The following SNTG2 variants were observed in gnomAD, a reference collection of about 807,000 sequenced individuals.
SNTG2 encodes syntrophin gamma 2.
SNTG2 carries 74 observed loss-of-function variants against 70.9 expected under a neutral mutation model. The observed-to-expected ratio is 1.04, with a 90% CI of 0.86 to 1.27. The LOEUF (loss-of-function observed/expected upper bound fraction) is 1.27. Ranked by LOEUF, SNTG2 falls within the 50% of genes most tolerant of loss-of-function variation. The probability of loss-of-function intolerance (pLI) is 0.00; values close to 1 mark genes in which losing one functional copy is unlikely to be tolerated. For synonymous variants in SNTG2, 278 were observed against 273.8 expected (o/e 1.02, Z -0.15); for missense variants, 717 against 690.7 (o/e 1.04, Z -0.43).
At chr2:1,183,634 A>C (rs1005595303) in intron 8 of SNTG2, among the ~76,000 whole-genome samples, 9 of 152,226 alleles carry the variant, frequency 5.9e-5, no homozygotes, top group African/African-American at 2.2e-4. Context: ...TTTGTGATTC[A>C]GTCTGGACAT....
At chr2:956,748 C>G (rs942221191) in intron 1 of SNTG2, among the ~76,000 whole-genome samples, 7 of 152,252 alleles carry the variant, frequency 4.6e-5, no homozygotes, top group African/African-American at 1.7e-4. Flanking sequence ...ACCCATGTGT[C>G]AGTTGAGCCA....
intron 4 of SNTG2, among the ~76,000 whole-genome samples, chr2:1,134,979 C>T (rs1030750819): frequency 1.3e-5 from 2 of 152,186 alleles, no homozygotes; most frequent in African/African-American, 4.8e-5. Flanking sequence ...CTAAGCCCCT[C>T]ATTGAGACAG....
chr2:1,045,559 C>T (rs1661687374), intron 1 of SNTG2, among the ~76,000 whole-genome samples: 7 of 152,048 alleles, frequency 4.6e-5, no homozygotes, highest in Admixed American at 4.6e-4. Context: ...AGCTTTGTCC[C>T]TGATTCTAGT....
At chr2:1,005,764 A>T (rs530900404) in intron 1 of SNTG2, among the ~76,000 whole-genome samples, 1 of 115,716 alleles carries the variant, frequency 8.6e-6, no homozygotes, top group South Asian at 2.7e-4. Flanking sequence ...AGATTGCACC[A>T]TTGCACTCCA....
chr2:1,134,449 G>C (rs1214412468), intron 4 of SNTG2, among the ~76,000 whole-genome samples: 3 of 134,652 alleles, frequency 2.2e-5, no homozygotes, highest in Non-Finnish European at 5.2e-5. Flanking sequence ...GATACAGAGT[G>C]TCGACACAAA....
intron 11 of SNTG2, among the ~76,000 whole-genome samples, chr2:1,245,877 C>T (rs1348240112): frequency 1.3e-5 from 2 of 152,096 alleles, no homozygotes; most frequent in East Asian, 1.9e-4. Context: ...GTGAAATTCC[C>T]GTAATTCTCA....
chr2:1,125,719 C>T lies in SNTG2; in HGVS notation c.326-11903C>T, dbSNP rs558872709. On this transcript the variant is annotated intron_variant, in intron 4 of 16. Transcript: ENST00000308624. ...TGATGTGTGTTTTGCTTAATTTATT[C>T]TCAATTGAGAAACTTTTTCTCTCTT... is the stretch of plus-strand genomic sequence containing the variant. Among the ~76,000 whole-genome samples the T allele has an allele frequency of 3.9e-4, 56 of 145,384 alleles. 1 individual carries two copies. In the South Asian group the frequency reaches 0.012, roughly 30 times the overall value.
chr2:1,326,053 G>C (rs1178500765), intron 16 of SNTG2, among the ~76,000 whole-genome samples: 2 of 152,006 alleles, frequency 1.3e-5, no homozygotes, highest in Non-Finnish European at 2.9e-5. Flanking sequence ...GGATGGTCTC[G>C]ATCTCCTGAC....
intron 7 of SNTG2, among the ~76,000 whole-genome samples, chr2:1,168,857 A>G (rs1208034291): frequency 6.6e-6 from 1 of 152,228 alleles, no homozygotes; most frequent in Non-Finnish European, 1.5e-5. Context: ...TGCATGAGAA[A>G]GGCGAATATT....
intron 8 of SNTG2, among the ~76,000 whole-genome samples, chr2:1,174,432 T>G (rs973332983): frequency 6.6e-6 from 1 of 152,206 alleles, no homozygotes; most frequent in Non-Finnish European, 1.5e-5. Context: ...TCACTACAGT[T>G]TATCCATTGT....
At chr2:1,081,440 C>T (rs1664289371) in intron 1 of SNTG2, among the ~76,000 whole-genome samples, 1 of 152,250 alleles carries the variant, frequency 6.6e-6, no homozygotes, top group South Asian at 2.1e-4. Context: ...ACACGTTACA[C>T]ACACTCATGG....
chr2:1,137,838 T>C, intron 6 of SNTG2, 29 bp downstream of exon 6: 1 of 1,565,520 alleles, frequency 6.4e-7, no homozygotes, highest in Non-Finnish European at 8.8e-7. Flanking sequence ...ATAGTTATTC[T>C]GTTTATTATT....
Position 1,255,788 on chromosome 2 carries a change from G to GTT in SNTG2, c.1006-3581_1006-3580insTT, listed in dbSNP as rs112913583. ...ATTAATCTTCTAATTATATGTGTGT[G>GTT]TGTGTATATATATATATACACAAAG... is the stretch of plus-strand genomic sequence containing the variant. On this transcript the variant is annotated intron_variant, in intron 12 of 16. Coordinates refer to ENST00000308624, the MANE Select transcript of SNTG2 (RefSeq NM_018968.4). Among the ~76,000 whole-genome samples the GTT allele has an allele frequency of 5.2e-4, 49 of 94,652 alleles. 1 individual carries two copies. Among genetic ancestry groups the GTT allele is most frequent in the Admixed American group, 1.3e-3 (9 of 7,038 alleles). The allele number at this position is 94,652 out of a possible 152,430, so 62.1% of individuals were successfully genotyped here.
At chr2:1,068,924 C>A (rs1051995273) in intron 1 of SNTG2, among the ~76,000 whole-genome samples, 1 of 152,170 alleles carries the variant, frequency 6.6e-6, no homozygotes, top group Non-Finnish European at 1.5e-5. Context: ...ATGGTAGGGC[C>A]GTACTCATTG....
intron 3 of SNTG2, 29 bp from the exon 4 acceptor site, chr2:1,098,324 C>A (rs183058432): frequency 1.2e-6 from 2 of 1,613,770 alleles, no homozygotes; most frequent in Non-Finnish European, 1.7e-6. Flanking sequence ...ATGATAACCA[C>A]GTTTCTTTCT....
chr2:1,216,824 A>T (rs1253235931), intron 9 of SNTG2, among the ~76,000 whole-genome samples: 2 of 152,136 alleles, frequency 1.3e-5, no homozygotes, highest in African/African-American at 4.8e-5. Flanking sequence ...GTGGGAGATG[A>T]TTGGATCATG....
chr2:1,217,674 T>C (rs560506946), intron 9 of SNTG2, among the ~76,000 whole-genome samples: 1 of 152,294 alleles, frequency 6.6e-6, no homozygotes, highest in East Asian at 1.9e-4. Flanking sequence ...TGTAGAAATG[T>C]AGTACATTGT....
At chr2:1,283,853 T>C (rs1679659884) in intron 14 of SNTG2, among the ~76,000 whole-genome samples, 1 of 152,126 alleles carries the variant, frequency 6.6e-6, no homozygotes, top group African/African-American at 2.4e-5. Flanking sequence ...GAATAAACAG[T>C]TAAAGAGCCC....
intron 14 of SNTG2, among the ~76,000 whole-genome samples, chr2:1,299,831 G>A (rs1422343827): frequency 6.6e-6 from 1 of 152,198 alleles, no homozygotes. Flanking sequence ...GTAAAATGAG[G>A]ATGAAAGCAC....
Sources: allele counts gnomAD v4.1 joint callset (sites outside exome capture counted in the v4.1 genomes callset), GRCh38; gene constraint gnomAD v4.1.1; transcripts MANE v1.5; gene names NCBI Gene and HGNC (gene_info 2026-07-23, HGNC 2026-07-21).